DOCK11: variants seen among roughly 807,000 people sequenced by gnomAD.
DOCK11 encodes the protein dedicator of cytokinesis protein 11.
In DOCK11, 70 loss-of-function variants were observed where a neutral mutation model predicts 169.1. That is an observed-to-expected ratio of 0.41 (90% CI 0.34 to 0.51). The LOEUF is 0.51. Among genes scored for constraint, DOCK11 ranks in the 20% least tolerant of loss-of-function variants. DOCK11 has a pLI of 0.10. For synonymous variants in DOCK11, 529 were observed against 541.3 expected (o/e 0.98, Z 0.32); for missense variants, 1,166 against 1,538.8 (o/e 0.76, Z 4.05).
chrX:118,506,535 G>T (rs776802845), intron 1 of DOCK11, among the ~76,000 whole-genome samples: 203 of 109,810 alleles, frequency 1.8e-3, no homozygotes, highest in African/African-American at 6.5e-3. Context: ...GCATGGTGGT[G>T]CACGCCTGTA....
At chrX:118,505,974 C>G (rs934068609) in intron 1 of DOCK11, among the ~76,000 whole-genome samples, 1 of 112,568 alleles carries the variant, frequency 8.9e-6, no homozygotes, top group Admixed American at 9.3e-5. Context: ...TCACTGATGC[C>G]AGGCACGTTA....
At chrX:118,527,726 G>C (rs1034410437) in intron 1 of DOCK11, among the ~76,000 whole-genome samples, 1 of 112,010 alleles carries the variant, frequency 8.9e-6, no homozygotes, top group Non-Finnish European at 1.9e-5. Context: ...CATCTTATAT[G>C]ATGACAAGGC....
chrX:118,506,882 A>C (rs1338999693), intron 1 of DOCK11, among the ~76,000 whole-genome samples: 1 of 111,078 alleles, frequency 9.0e-6, no homozygotes, highest in African/African-American at 3.3e-5. Flanking sequence ...CCAGGAGTTC[A>C]AGACCAGCCT....
chrX:118,634,925 C>T (rs113991346), intron 35 of DOCK11, among the ~76,000 whole-genome samples: 1,442 of 110,695 alleles, frequency 0.013, 32 homozygotes, highest in African/African-American at 0.045. Context: ...CAGGGTTTCA[C>T]GATGTTGGTC....
chrX:118,650,412 A>G (rs2015919067), intron 41 of DOCK11, among the ~76,000 whole-genome samples: 1 of 111,725 alleles, frequency 9.0e-6, no homozygotes, highest in Non-Finnish European at 1.9e-5. Flanking sequence ...AATATGGGAA[A>G]TCCTTGGTCC....
chrX:118,606,684 G>A (rs1201029883), intron 24 of DOCK11, among the ~76,000 whole-genome samples: 1 of 111,932 alleles, frequency 8.9e-6, no homozygotes, highest in Non-Finnish European at 1.9e-5. Context: ...CACACCATTT[G>A]CGGGCATCGC....
At chrX:118,676,915 G>A (rs752991500) in intron 48 of DOCK11, among the ~76,000 whole-genome samples, 178 bp downstream of exon 48, 1 of 111,479 alleles carries the variant, frequency 9.0e-6, no homozygotes, top group African/African-American at 3.3e-5. Flanking sequence ...TCTACTCTCT[G>A]CCACTCACTA....
rs763999967 is a variant in DOCK11 at position 118,608,591 on chromosome X, G to A, written c.2877+235G>A. 2.7e-5 allele frequency among the ~76,000 whole-genome samples: 3 copies of A among 111,475 alleles called. No individual in the cohort carries two copies. The South Asian group carries it at 1.1e-3, about 42-fold the overall frequency. On this transcript the variant is annotated intron_variant, in intron 26 of 52. Transcript: ENST00000276202. Reference sequence around the variant, plus strand: ...AAAGAATTTTGGATCAGATAGACCTGAGTTAGAATCCTGTATCCATCACAA... The same window carrying A: ...AAAGAATTTTGGATCAGATAGACCTAAGTTAGAATCCTGTATCCATCACAA...
chrX:118,656,210 G>C (rs940494334), intron 44 of DOCK11, among the ~76,000 whole-genome samples: 4 of 110,173 alleles, frequency 3.6e-5, no homozygotes, highest in African/African-American at 6.6e-5. Context: ...ATCATAGCTT[G>C]AGCCCAGGAC....
chrX:118,502,453 G>A lies in DOCK11; in HGVS notation c.102+6380G>A, dbSNP rs138596365. Among the ~76,000 whole-genome samples the A allele has an allele frequency of 6.9e-3, 772 of 111,767 alleles. 12 individuals carry two copies. In the South Asian group the frequency reaches 0.071, roughly 10 times the overall value. ...CATTTCTTTCCTTCGTTCCCCACAT[G>A]ACTTGGTTTCAAGATTCTTCATATC... On this transcript the variant is annotated intron_variant, in intron 1 of 52. Coordinates refer to ENST00000276202, the MANE Select transcript of DOCK11 (RefSeq NM_144658.4).
At chrX:118,569,797 T>C (rs918474936) in intron 10 of DOCK11, among the ~76,000 whole-genome samples, 7 of 110,805 alleles carry the variant, frequency 6.3e-5, no homozygotes, top group Non-Finnish European at 1.3e-4. Flanking sequence ...TTCTAAGATA[T>C]TCATTCAGAA....
At chrX:118,610,836 C>G (rs925216200) in intron 28 of DOCK11, among the ~76,000 whole-genome samples, 4 of 111,048 alleles carry the variant, frequency 3.6e-5, no homozygotes, top group Non-Finnish European at 7.6e-5. Context: ...GTCAGGAGTT[C>G]GAGACCAACC....
At chrX:118,647,814 T>TTA (rs2015771598) in intron 40 of DOCK11, among the ~76,000 whole-genome samples, 1 of 49,933 alleles carries the variant, frequency 2.0e-5, no homozygotes, top group Non-Finnish European at 3.1e-5. Context: ...ATAATATATA[T>TTA]TATATTATTA....
At chrX:118,532,553 G>A (rs2011617662) in intron 1 of DOCK11, among the ~76,000 whole-genome samples, 1 of 109,239 alleles carries the variant, frequency 9.2e-6, no homozygotes, top group Admixed American at 9.7e-5. Flanking sequence ...GGCCGAGGCG[G>A]GTGGATCACG....
intron 38 of DOCK11, 50 bp from the exon 39 acceptor site, chrX:118,641,140 T>C: frequency 2.2e-6 from 2 of 927,006 alleles, no homozygotes; most frequent in Non-Finnish European, 3.1e-6. Flanking sequence ...TCAACACCAT[T>C]ATGTGCATCT....
intron 6 of DOCK11, among the ~76,000 whole-genome samples, chrX:118,550,650 A>G (rs1163443485): frequency 4.5e-5 from 5 of 111,079 alleles, no homozygotes; most frequent in African/African-American, 1.6e-4. Flanking sequence ...AGGCCTATGA[A>G]CAAAGGCACA....
At chrX:118,508,852 T>C (rs766558461) in intron 1 of DOCK11, among the ~76,000 whole-genome samples, 43 of 112,134 alleles carry the variant, frequency 3.8e-4, no homozygotes, top group Non-Finnish European at 7.1e-4. Flanking sequence ...GAAAATTCCA[T>C]AAGGCTTCTC....
At chrX:118,626,065 CT>C (rs570844267) in intron 32 of DOCK11, among the ~76,000 whole-genome samples, 2,702 of 92,560 alleles carry the variant, frequency 0.029, 94 homozygotes, top group African/African-American at 0.094. Flanking sequence ...AAATCCTTTA[CT>C]TTTTTTTTTT....
intron 19 of DOCK11, among the ~76,000 whole-genome samples, chrX:118,592,399 T>C (rs1263346722): frequency 3.7e-5 from 4 of 107,510 alleles, no homozygotes; most frequent in Non-Finnish European, 7.7e-5. Context: ...ATGAGCATTT[T>C]TTCATGTGTT....
Sources: allele counts gnomAD v4.1 joint callset (sites outside exome capture counted in the v4.1 genomes callset), GRCh38; gene constraint gnomAD v4.1.1; transcripts MANE v1.5; gene names NCBI Gene and HGNC (gene_info 2026-07-23, HGNC 2026-07-21).